Variants in ARHGAP24 observed in about 807,000 individuals in gnomAD.
The protein encoded by ARHGAP24 is Rho GTPase activating protein 24.
A neutral mutation model predicts 76.4 loss-of-function variants in ARHGAP24; 50 were observed. The observed-to-expected ratio is 0.65, with a 90% CI of 0.52 to 0.83. ARHGAP24 has a LOEUF of 0.83. Among genes scored for constraint, ARHGAP24 ranks in the 40% least tolerant of loss-of-function variants. The probability of loss-of-function intolerance (pLI) is 0.00; values close to 1 mark genes in which losing one functional copy is unlikely to be tolerated. For synonymous variants in ARHGAP24, 345 were observed against 323.3 expected (o/e 1.07, Z -0.72); for missense variants, 930 against 914.2 (o/e 1.02, Z -0.22).
At chr4:85,905,432 A>T (rs1048664350) in intron 3 of ARHGAP24, among the ~76,000 whole-genome samples, 5 of 152,156 alleles carry the variant, frequency 3.3e-5, no homozygotes, top group African/African-American at 1.2e-4. Context: ...CTTACATACT[A>T]TATGAATATT....
At chr4:85,622,258 C>A (rs1223335058) in intron 2 of ARHGAP24, among the ~76,000 whole-genome samples, 10 of 94,364 alleles carry the variant, frequency 1.1e-4, no homozygotes, top group African/African-American at 3.7e-4. Context: ...TCCCCCCACC[C>A]CAAACAGTCC....
At chr4:85,836,178 G>T (rs1730278751) in intron 3 of ARHGAP24, among the ~76,000 whole-genome samples, 1 of 152,186 alleles carries the variant, frequency 6.6e-6, no homozygotes, top group Admixed American at 6.5e-5. Flanking sequence ...CTCAGGTTGT[G>T]TTAAGTTTTG....
At chr4:85,668,955 A>G in intron 2 of ARHGAP24, among the ~76,000 whole-genome samples, 1 of 152,202 alleles carries the variant, frequency 6.6e-6, no homozygotes, top group East Asian at 1.9e-4. Flanking sequence ...TAAGATGAAC[A>G]TTGAAAGTGG....
chr4:85,655,784 T>G (rs1160982410), intron 2 of ARHGAP24, among the ~76,000 whole-genome samples: 398 of 29,504 alleles, frequency 0.013, 8 homozygotes, highest in African/African-American at 0.049. Context: ...TATATATATA[T>G]ATATATATAG....
intron 3 of ARHGAP24, among the ~76,000 whole-genome samples, chr4:85,814,966 T>C (rs1729173920): frequency 1.3e-5 from 2 of 152,168 alleles, no homozygotes; most frequent in Non-Finnish European, 2.9e-5. Context: ...CCCCATTTCT[T>C]GACTTCTTTG....
intron 3 of ARHGAP24, among the ~76,000 whole-genome samples, chr4:85,817,722 A>G (rs1729303111): frequency 6.6e-6 from 1 of 152,180 alleles, no homozygotes; most frequent in Non-Finnish European, 1.5e-5. Context: ...TAACTGGGGT[A>G]TTTAATACAA....
chr4:85,732,656 A>G lies in ARHGAP24; in HGVS notation c.268+10684A>G, dbSNP rs1725448863. On this transcript the variant is annotated intron_variant, in intron 3 of 9. Coordinates refer to ENST00000395184, the MANE Select transcript of ARHGAP24 (RefSeq NM_001025616.3). ...TAGCCCATGCTAATCAAATATTTAT[A>G]TTTCAAACATAGGATTAATAAACAA... Among the ~76,000 whole-genome samples, 3 of 149,666 alleles carry G rather than the reference A, an allele frequency of 2.0e-5. No individual in the cohort carries two copies. In the South Asian group the frequency reaches 6.3e-4, roughly 31 times the overall value.
intron 6 of ARHGAP24, among the ~76,000 whole-genome samples, chr4:85,974,536 T>C (rs1332792370): frequency 6.6e-6 from 1 of 152,214 alleles, no homozygotes; most frequent in Admixed American, 6.5e-5. Flanking sequence ...CTGCACATGC[T>C]GAAACTGGGA....
At chr4:85,549,942 T>C (rs1726063435) in intron 1 of ARHGAP24, among the ~76,000 whole-genome samples, 2 of 152,236 alleles carry the variant, frequency 1.3e-5, no homozygotes, top group African/African-American at 4.8e-5. Context: ...GATCTCCTTT[T>C]TTATGGCTAC....
chr4:85,660,794 C>CAAAAAAAAAAAAAAAA lies in ARHGAP24; in HGVS notation c.181-61083_181-61068dup, dbSNP rs34228407. Among the ~76,000 whole-genome samples, 17 of 59,432 alleles carry CAAAAAAAAAAAAAAAA rather than the reference C, an allele frequency of 2.9e-4. 1 individual carries two copies. The highest frequency in any genetic ancestry group is 3.4e-4 in the Non-Finnish European group (11 of 32,302). The allele number at this position is 59,432 out of a possible 152,430, so 39.0% of individuals were successfully genotyped here. On this transcript the variant is annotated intron_variant, in intron 2 of 9. Transcript: ENST00000395184. ...CTGGTGACAGAGAGAGACTCCGTCT[C>CAAAAAAAAAAAAAAAA]AAAAAAAAAAAAAAAAAAAAAAATC...
At chr4:85,908,381 C>T (rs1285769054) in intron 3 of ARHGAP24, among the ~76,000 whole-genome samples, 1 of 152,158 alleles carries the variant, frequency 6.6e-6, no homozygotes, top group Non-Finnish European at 1.5e-5. Flanking sequence ...TTTCTGTACT[C>T]ATCACAGTGA....
chr4:85,549,519 T>G (rs1486284744), intron 1 of ARHGAP24, among the ~76,000 whole-genome samples: 5 of 152,126 alleles, frequency 3.3e-5, no homozygotes, highest in Non-Finnish European at 7.4e-5. Context: ...AGGAGTCATT[T>G]GTATATTATG....
intron 3 of ARHGAP24, among the ~76,000 whole-genome samples, chr4:85,793,163 A>G (rs1475782105): frequency 2.0e-5 from 3 of 152,194 alleles, no homozygotes; most frequent in African/African-American, 7.2e-5. Flanking sequence ...AACATGAAGT[A>G]GCATGGAATT....
chr4:85,666,850 C>T (rs573481118), intron 2 of ARHGAP24, among the ~76,000 whole-genome samples: 36 of 152,278 alleles, frequency 2.4e-4, no homozygotes, highest in African/African-American at 8.4e-4. Flanking sequence ...GATCGTTCCT[C>T]TGGAAGTTTT....
At chr4:85,781,281 A>G (rs866347367) in intron 3 of ARHGAP24, among the ~76,000 whole-genome samples, 4 of 152,240 alleles carry the variant, frequency 2.6e-5, no homozygotes, top group Admixed American at 6.5e-5. Flanking sequence ...GTAGCACAAT[A>G]TATGACAATA....
intron 1 of ARHGAP24, among the ~76,000 whole-genome samples, chr4:85,479,632 G>C (rs1447287496): frequency 6.6e-6 from 1 of 152,054 alleles, no homozygotes; most frequent in Non-Finnish European, 1.5e-5. Context: ...GAAATTTAGA[G>C]GGGCAGCTTC....
intron 5 of ARHGAP24, among the ~76,000 whole-genome samples, chr4:85,951,364 A>G (rs1293621278): frequency 6.6e-6 from 1 of 151,988 alleles, no homozygotes; most frequent in Admixed American, 6.5e-5. Flanking sequence ...TTTTTAGTTA[A>G]TTGGCTGTTT....
intron 3 of ARHGAP24, among the ~76,000 whole-genome samples, chr4:85,835,168 GC>G (rs1447186289): frequency 6.6e-6 from 1 of 151,864 alleles, no homozygotes; most frequent in African/African-American, 2.4e-5. Flanking sequence ...CCTCACTCTT[GC>G]CGACACCCTT....
chr4:85,667,363 T>TC (rs1722668395), intron 2 of ARHGAP24, among the ~76,000 whole-genome samples: 2 of 152,278 alleles, frequency 1.3e-5, no homozygotes, highest in African/African-American at 2.4e-5. Context: ...AGCGCAGTAT[T>TC]AGGATGGGAG....
Sources: gnomAD v4.1 joint callset for allele counts (sites outside exome capture counted in the v4.1 genomes callset) on GRCh38, gnomAD v4.1.1 for gene constraint, MANE v1.5 for transcripts, NCBI Gene and HGNC (gene_info 2026-07-23, HGNC 2026-07-21) for gene names.